TMEFF1: variants seen among roughly 807,000 people sequenced by gnomAD.
TMEFF1 encodes the protein tomoregulin-1.
A neutral mutation model predicts 47.5 loss-of-function variants in TMEFF1; 20 were observed. The ratio of observed to expected loss-of-function variants is 0.42; its 90% CI spans 0.30 to 0.61. The LOEUF (loss-of-function observed/expected upper bound fraction) is 0.61, where lower values mean the gene tolerates loss of function less well. Among genes scored for constraint, TMEFF1 ranks in the 20% least tolerant of loss-of-function variants. The pLI, the probability that TMEFF1 is intolerant of heterozygous loss-of-function variation, is 0.19. For synonymous variants in TMEFF1, 162 were observed against 166.3 expected, an observed-to-expected ratio of 0.97 and a Z score of 0.20; for missense variants, 411 against 471.1, an observed-to-expected ratio of 0.87 and a Z score of 1.18.
At chr9:100,553,922 AT>A (rs1838871190) in intron 7 of TMEFF1, among the ~76,000 whole-genome samples, 1 of 152,204 alleles carries the variant, frequency 6.6e-6, no homozygotes, top group Non-Finnish European at 1.5e-5. Context: ...ACCACATCTT[AT>A]AATTGATACC....
intron 4 of TMEFF1, among the ~76,000 whole-genome samples, chr9:100,513,543 A>C (rs753876466): frequency 4.0e-5 from 6 of 151,150 alleles, no homozygotes; most frequent in Non-Finnish European, 5.9e-5. Flanking sequence ...CACCACAGTC[A>C]CTCTTAGAAC....
rs1000479 is a variant in TMEFF1, at chr9:100,510,956, A to T, written c.436+1822A>T. On this transcript the variant is annotated intron_variant, in intron 3 of 9. Coordinates refer to ENST00000374879, the MANE Select transcript of TMEFF1 (RefSeq NM_003692.5). ...ACTTAGACGTGGCCCAACCCCCAACACTAAGTTCCAGTGTGGTCAGCACCC... is the reference window on the plus strand; with the variant it reads ...ACTTAGACGTGGCCCAACCCCCAACTCTAAGTTCCAGTGTGGTCAGCACCC... Among the ~76,000 whole-genome samples, 337 of 152,194 alleles carry T rather than the reference A, an allele frequency of 2.2e-3. 2 individuals are homozygous for T. Among genetic ancestry groups the T allele is most frequent in the South Asian group, 9.5e-3 (46 of 4,820 alleles).
intron 4 of TMEFF1, among the ~76,000 whole-genome samples, chr9:100,514,988 CCTT>C (rs1446153048): frequency 5.3e-5 from 8 of 151,720 alleles, no homozygotes; most frequent in South Asian, 2.1e-4. Context: ...GAGCGAGACT[CCTT>C]CTCAAAAAAT....
At chr9:100,514,955 A>C (rs995328114) in intron 4 of TMEFF1, among the ~76,000 whole-genome samples, 1 of 152,082 alleles carries the variant, frequency 6.6e-6, no homozygotes, top group Admixed American at 6.6e-5. Flanking sequence ...AGATTGCGCC[A>C]CTGCACTCCA....
chr9:100,475,635 T>C (rs907766139), intron 1 of TMEFF1, among the ~76,000 whole-genome samples: 7 of 152,058 alleles, frequency 4.6e-5, no homozygotes. Flanking sequence ...CTAACTTGCA[T>C]AGTTCAAGTT....
At chr9:100,529,413 G>T (rs1333580318) in intron 5 of TMEFF1, among the ~76,000 whole-genome samples, 1 of 146,946 alleles carries the variant, frequency 6.8e-6, no homozygotes, top group African/African-American at 2.5e-5. Flanking sequence ...CAAGCAAATG[G>T]AAAACAAAAA....
chr9:100,509,412 T>C (rs1420561819), intron 3 of TMEFF1, among the ~76,000 whole-genome samples: 1 of 152,174 alleles, frequency 6.6e-6, no homozygotes, highest in Non-Finnish European at 1.5e-5. Flanking sequence ...CCTTATGATT[T>C]GAACAGTAGA....
chr9:100,505,410 C>CAAAAAAAAAAAA (rs60312984), intron 2 of TMEFF1, among the ~76,000 whole-genome samples: 4 of 26,446 alleles, frequency 1.5e-4, no homozygotes, highest in African/African-American at 3.3e-4. Flanking sequence ...GACCCTGTCT[C>CAAAAAAAAAAAA]AAAAAAAAAA....
chr9:100,477,577 T>C (rs1441166843), intron 1 of TMEFF1, among the ~76,000 whole-genome samples: 1 of 151,784 alleles, frequency 6.6e-6, no homozygotes, highest in Non-Finnish European at 1.5e-5. Context: ...AGCAGTTACA[T>C]AGCAGGTTTA....
At chr9:100,493,313 T>C (rs1837590834) in intron 1 of TMEFF1, among the ~76,000 whole-genome samples, 1 of 152,230 alleles carries the variant, frequency 6.6e-6, no homozygotes, top group Non-Finnish European at 1.5e-5. Flanking sequence ...CTTTTGGCTC[T>C]CCGTGAGTGT....
intron 2 of TMEFF1, among the ~76,000 whole-genome samples, chr9:100,503,158 A>G (rs904138013): frequency 6.6e-6 from 1 of 152,198 alleles, no homozygotes; most frequent in African/African-American, 2.4e-5. Context: ...CTTATGATTC[A>G]GCATGCTTTT....
At chr9:100,524,885 TC>T (rs139168403) in intron 5 of TMEFF1, among the ~76,000 whole-genome samples, 1 of 151,994 alleles carries the variant, frequency 6.6e-6, no homozygotes, top group African/African-American at 2.4e-5. Context: ...ATGCTATCCC[TC>T]CCCCAGACCC....
At chr9:100,539,448 G>A (rs1030849795) in intron 5 of TMEFF1, among the ~76,000 whole-genome samples, 16 of 152,142 alleles carry the variant, frequency 1.1e-4, no homozygotes, top group African/African-American at 3.9e-4. Context: ...ATGTTCAGCT[G>A]TGTCTGGAGT....
chr9:100,534,717 A>G (rs1056272689), intron 5 of TMEFF1, among the ~76,000 whole-genome samples: 14 of 152,192 alleles, frequency 9.2e-5, no homozygotes, highest in African/African-American at 3.4e-4. Flanking sequence ...GTACCATCCC[A>G]CTAAGGAGCA....
At chr9:100,565,421 C>T (rs1408028353) in intron 8 of TMEFF1, among the ~76,000 whole-genome samples, 2 of 152,184 alleles carry the variant, frequency 1.3e-5, no homozygotes, top group Admixed American at 6.5e-5. Context: ...CCCAGCTCTC[C>T]ACCCACTGCA....
chr9:100,525,885 G>A (rs1178708142), intron 5 of TMEFF1, among the ~76,000 whole-genome samples: 1 of 151,918 alleles, frequency 6.6e-6, no homozygotes, highest in Non-Finnish European at 1.5e-5. Flanking sequence ...TATACCACTA[G>A]GATCTTCCTA....
intron 9 of TMEFF1, among the ~76,000 whole-genome samples, chr9:100,576,212 G>T (rs181241731): frequency 1.1e-4 from 17 of 152,286 alleles, no homozygotes; most frequent in Non-Finnish European, 2.4e-4. Context: ...GCTGGAGGAA[G>T]GGTGGGATAT....
At chr9:100,481,308 C>T (rs906466388) in intron 1 of TMEFF1, among the ~76,000 whole-genome samples, 1 of 152,158 alleles carries the variant, frequency 6.6e-6, no homozygotes, top group Non-Finnish European at 1.5e-5. Flanking sequence ...ATTGACAGTG[C>T]CCAGATTGGT....
At chr9:100,531,816 C>T (rs1384081481) in intron 5 of TMEFF1, among the ~76,000 whole-genome samples, 1 of 152,178 alleles carries the variant, frequency 6.6e-6, no homozygotes, top group African/African-American at 2.4e-5. Context: ...CTGGTGGAGG[C>T]ATCACACTAC....
Sources: gnomAD v4.1 joint callset for allele counts (sites outside exome capture counted in the v4.1 genomes callset) on GRCh38, gnomAD v4.1.1 for gene constraint, MANE v1.5 for transcripts, NCBI Gene and HGNC (gene_info 2026-07-23, HGNC 2026-07-21) for gene names.